Variants in FMO5 observed in about 807,000 individuals in gnomAD.
The protein encoded by FMO5 is flavin containing dimethylaniline monoxygenase 5, also known as flavin-containing monooxygenase 5.
In FMO5, 51 loss-of-function variants were observed where a neutral mutation model predicts 43.6. That is an observed-to-expected ratio of 1.17 (90% CI 0.93 to 1.48). The LOEUF (loss-of-function observed/expected upper bound fraction) is 1.48. Ranked by LOEUF, FMO5 falls within the 40% of genes most tolerant of loss-of-function variation. The pLI is 0.00. For synonymous variants in FMO5, 187 were observed against 216.5 expected, an observed-to-expected ratio of 0.86 and a Z score of 1.20; for missense variants, 644 against 643.0, an observed-to-expected ratio of 1.00 and a Z score of -0.02.
chr1:147,186,831 C>T lies in FMO5; in HGVS notation c.*69G>A, dbSNP rs1655692903. 1.3e-6 allele frequency: 2 copies of T among 1,527,182 alleles called. No individual in the cohort carries two copies. The highest frequency in any genetic ancestry group is 4.5e-5 in the East Asian group (2 of 44,146). 94.6% of individuals were successfully genotyped at this position (1,527,182 alleles called of 1,614,324 possible). ...GGGCAATATGAAACTGAGAGTCAAT[C>T]TCGTCAGATTCTGAAGGCATCTGTA... On this transcript the variant is annotated 3_prime_UTR_variant, in exon 9 of 9. Transcript: ENST00000254090.
Position 147,225,038 on chromosome 1 carries a change from G to A in FMO5, c.-9C>T, listed in dbSNP as rs1553927391. 5 of 1,613,972 alleles carry A rather than the reference G, an allele frequency of 3.1e-6. No individual in the cohort carries two copies. In the South Asian group the frequency reaches 5.5e-5, roughly 18 times the overall value. ...ATTCTTTTCTTAGTCATGGTCTCCC[G>A]AGATCTTCACCTGTTAGTGTCGCCT... On this transcript the variant is annotated 5_prime_UTR_variant, in exon 2 of 9. Transcript: ENST00000254090.
chr1:147,201,420 C>G lies in FMO5; in HGVS notation c.915G>C (p.Lys305Asn). 6.2e-7 allele frequency: 1 copy of G among 1,614,156 alleles called. No homozygotes were observed. Among genetic ancestry groups the G allele is most frequent in the Admixed American group, 1.7e-5 (1 of 60,022 alleles). The change falls in exon 7 of 9, where the codon AAG becomes AAC. Residue 305 changes from lysine to asparagine, a missense_variant. Lys to Asn is a moderately conservative substitution (Grantham distance 94, BLOSUM62 0). Transcript: ENST00000254090. Reference protein sequence around the residue: ...SGLVKVKGNVKEFTETAAIFE... With the variant: ...SGLVKVKGNVNEFTETAAIFE... ...ATATGGCAGCTGTCTCCGTGAATTCCTTCACATTTCCTTTCACTTTCACCA... is the reference window on the plus strand; with the variant it reads ...ATATGGCAGCTGTCTCCGTGAATTCGTTCACATTTCCTTTCACTTTCACCA...
chr1:147,189,859 G>A (rs28381219), intron 8 of FMO5, among the ~76,000 whole-genome samples: 2,416 of 152,180 alleles, frequency 0.016, 79 homozygotes, highest in African/African-American at 0.056. Context: ...AAGTCTACTA[G>A]CACTTCAAGT....
intron 2 of FMO5, 117 bp downstream of exon 2, chr1:147,224,778 A>G (rs28381171): frequency 0.01 from 9,556 of 912,014 alleles, 99 homozygotes; most frequent in Middle Eastern, 0.024. Flanking sequence ...CCAAAGTGCT[A>G]GGATTACAGG....
downstream of FMO5, among the ~76,000 whole-genome samples, chr1:147,186,088 T>C (rs1361442381): frequency 6.6e-6 from 1 of 152,168 alleles, no homozygotes; most frequent in East Asian, 1.9e-4. Flanking sequence ...ACTACAACAA[T>C]TGGAAGCTAC....
In FMO5 at chr1:147,187,188, C is replaced by G; in HGVS notation, c.1314G>C (p.Glu438Asp). The stretch of plus-strand genomic sequence containing the variant: ...GCCTGACCCCCACCAAATCAGCAAG[C>G]TCTTCCATGGTATCTATGTAGTCTC... ...IQGDYIDTMEELADLVGVRPN... is the reference protein window; with the variant it reads ...IQGDYIDTMEDLADLVGVRPN... Residue 438 changes from glutamate to aspartate, a missense_variant, in exon 9 of 9, where the codon GAG (glutamate) becomes GAC (aspartate). Glu to Asp is a conservative substitution (Grantham distance 45). Transcript: ENST00000254090. The G allele has an allele frequency of 6.2e-7, 1 of 1,614,104 alleles. No individual in the cohort carries two copies.
chr1:147,185,397 T>C (rs1261461906), downstream of FMO5, among the ~76,000 whole-genome samples: 1 of 152,152 alleles, frequency 6.6e-6, no homozygotes, highest in Non-Finnish European at 1.5e-5. Flanking sequence ...GCTTTTGATA[T>C]GCAGATTTAA....
intron 7 of FMO5, 86 bp from the exon 8 acceptor site, chr1:147,190,335 T>A: frequency 1.2e-6 from 1 of 849,292 alleles, no homozygotes; most frequent in Non-Finnish European, 1.9e-6. Flanking sequence ...TATGGAGAAT[T>A]CAAAGAAATA....
chr1:147,190,313 C>A, intron 7 of FMO5, 64 bp from the exon 8 acceptor site: 1 of 1,009,776 alleles, frequency 9.9e-7, no homozygotes. Context: ...ATCCTATAAA[C>A]AATTACTATG....
rs943334101 is a variant in FMO5 at position 147,204,958 on chromosome 1, G to A, written c.831-3454C>T. The A allele has an allele frequency of 1.4e-5, 20 of 1,409,480 alleles. No homozygotes were observed. The African/African-American group carries it at 2.4e-4, about 17-fold the overall frequency. 87.3% of individuals were successfully genotyped at this position (1,409,480 alleles called of 1,614,324 possible). A position where few individuals can be genotyped will look rare whatever the true frequency, so the allele number is the denominator to read the frequency against. The stretch of plus-strand genomic sequence containing the variant: ...GGCCAGCCTGCAGGAAGCCGTTCAC[G>A]TGACCGCTCAGAAGACCGCGGAGGA... On this transcript the variant is annotated intron_variant, in intron 6 of 8. Coordinates refer to ENST00000254090, the MANE Select transcript of FMO5 (RefSeq NM_001461.4).
Position 147,186,633 on chromosome 1 carries a change from A to G in FMO5, c.*267T>C. 1.6e-6 allele frequency: 2 copies of G among 1,239,254 alleles called. No homozygotes were observed. Among genetic ancestry groups the G allele is most frequent in the South Asian group, 4.7e-5 (2 of 42,140 alleles). 76.8% of individuals were successfully genotyped at this position (1,239,254 alleles called of 1,614,324 possible). A position where few individuals can be genotyped will look rare whatever the true frequency, so the allele number is the denominator to read the frequency against. ...ACATGTCAAGAACTCTGCTAAAGACATACAAAGATGACTAAAAGAGTACCT... is the reference window on the plus strand; with the variant it reads ...ACATGTCAAGAACTCTGCTAAAGACGTACAAAGATGACTAAAAGAGTACCT... On this transcript the variant is annotated 3_prime_UTR_variant, in exon 9 of 9. Transcript: ENST00000254090.
At chr1:147,210,377 C>T (rs1290347036) in intron 5 of FMO5, 2 of 152,176 alleles carry the variant, frequency 1.3e-5, no homozygotes, top group East Asian at 3.9e-4. Context: ...AATCACTTTT[C>T]CTACACTATG....
intron 2 of FMO5, among the ~76,000 whole-genome samples, chr1:147,216,199 G>T (rs1477944455): frequency 5.3e-5 from 8 of 152,152 alleles, no homozygotes; most frequent in Admixed American, 4.6e-4. Flanking sequence ...TGCGGATTCT[G>T]CCTGGGTCTC....
intron 7 of FMO5, among the ~76,000 whole-genome samples, chr1:147,194,653 T>C (rs1433224029): frequency 2.6e-5 from 4 of 152,148 alleles, no homozygotes; most frequent in African/African-American, 9.7e-5. Flanking sequence ...TACCGGTTGT[T>C]CCTTTCCATG....
chr1:147,219,278 A>G (rs1328180651), intron 2 of FMO5, among the ~76,000 whole-genome samples: 3 of 152,214 alleles, frequency 2.0e-5, no homozygotes, highest in African/African-American at 7.2e-5. Context: ...TTATACTTGT[A>G]TAATCGCTCC....
intron 7 of FMO5, among the ~76,000 whole-genome samples, chr1:147,191,158 C>G (rs1412107453): frequency 4.6e-5 from 7 of 152,114 alleles, no homozygotes; most frequent in African/African-American, 1.4e-4. Flanking sequence ...GTGCATGTGT[C>G]TTTATAGCAG....
Position 147,200,114 on chromosome 1 carries a change from T to G in FMO5, c.1183+1038A>C, listed in dbSNP as rs148904167. On this transcript the variant is annotated intron_variant, in intron 7 of 8. Coordinates refer to ENST00000254090, the MANE Select transcript of FMO5 (RefSeq NM_001461.4). ...CATCCTTTTCCTTTTCTGCTTAGAATTTCAGAGGCAGCTGGTTCCATCATG... is the reference window on the plus strand; with the variant it reads ...CATCCTTTTCCTTTTCTGCTTAGAAGTTCAGAGGCAGCTGGTTCCATCATG... Among the ~76,000 whole-genome samples the G allele has an allele frequency of 5.1e-3, 780 of 152,296 alleles. 6 individuals are homozygous for G. Among genetic ancestry groups the G allele is most frequent in the African/African-American group, 0.017 (691 of 41,560 alleles).
At chr1:147,193,048 C>T (rs2101745669) in intron 7 of FMO5, among the ~76,000 whole-genome samples, 1 of 152,262 alleles carries the variant, frequency 6.6e-6, no homozygotes, top group Non-Finnish European at 1.5e-5. Flanking sequence ...AAGATTCCTT[C>T]TTTTTCTATT....
chr1:147,214,628 A>G (rs1381324526), intron 3 of FMO5, among the ~76,000 whole-genome samples: 2 of 152,088 alleles, frequency 1.3e-5, no homozygotes, highest in Non-Finnish European at 2.9e-5. Flanking sequence ...ACTCAGCTTT[A>G]AGAAAACTTT....
Sources: gnomAD v4.1 joint callset for allele counts (sites outside exome capture counted in the v4.1 genomes callset) on GRCh38, gnomAD v4.1.1 for gene constraint, MANE v1.5 for transcripts, NCBI Gene and HGNC (gene_info 2026-07-23, HGNC 2026-07-21) for gene names.